The following PDE7A variants were observed in gnomAD, a reference collection of about 807,000 sequenced individuals.
PDE7A encodes phosphodiesterase 7A.
In PDE7A, 39 loss-of-function variants were observed where a neutral mutation model predicts 64.3. That is an observed-to-expected ratio of 0.61 (90% CI 0.47 to 0.79). PDE7A has a LOEUF of 0.79. Among genes scored for constraint, PDE7A ranks in the 30% least tolerant of loss-of-function variants. The pLI is 0.00. For missense variants in PDE7A, 470 were observed against 582.8 expected, an observed-to-expected ratio of 0.81 and a Z score of 1.99; for synonymous variants, 203 against 206.8, an observed-to-expected ratio of 0.98 and a Z score of 0.16.
chr8:65,779,178 G>C (rs1489616226), intron 3 of PDE7A, among the ~76,000 whole-genome samples: 1 of 152,172 alleles, frequency 6.6e-6, no homozygotes, highest in African/African-American at 2.4e-5. Context: ...ACTGAAAGTG[G>C]AACTCCTCCA....
intron 3 of PDE7A, among the ~76,000 whole-genome samples, chr8:65,771,604 G>A (rs986414290): frequency 9.2e-5 from 14 of 151,988 alleles, no homozygotes; most frequent in Admixed American, 3.9e-4. Context: ...TGGCTCACGC[G>A]GTGGCTCACG....
At chr8:65,721,253 A>G (rs1806365639) in intron 12 of PDE7A, among the ~76,000 whole-genome samples, 1 of 152,122 alleles carries the variant, frequency 6.6e-6, no homozygotes, top group Non-Finnish European at 1.5e-5. Flanking sequence ...CAAATGCCTT[A>G]CTCTTATCCA....
At position 65,795,065 on chromosome 8, in the gene PDE7A, C is replaced by T. The variant is rs1585923970; in HGVS notation, c.139-12222G>A. Among the ~76,000 whole-genome samples the T allele has an allele frequency of 2.0e-5, 3 of 152,310 alleles. No individual in the cohort carries two copies. The South Asian group carries it at 6.2e-4, about 32-fold the overall frequency. On this transcript the variant is annotated intron_variant, in intron 1 of 12. Coordinates refer to ENST00000401827, the MANE Select transcript of PDE7A (RefSeq NM_001242318.3). ...GAGCTAAATCTTCGCCAGCAAAAAA[C>T]ATAAACAAGATTCAATAAATTATAA...
chr8:65,777,077 CTTT>C (rs56661178), intron 3 of PDE7A, among the ~76,000 whole-genome samples: 5 of 90,446 alleles, frequency 5.5e-5, no homozygotes, highest in African/African-American at 1.1e-4. Flanking sequence ...TTATCAAATG[CTTT>C]TTTTTTTTTT....
intron 7 of PDE7A, among the ~76,000 whole-genome samples, chr8:65,729,724 G>T (rs1044346804): frequency 8.1e-5 from 12 of 148,220 alleles, no homozygotes; most frequent in Admixed American, 6.7e-4. Flanking sequence ...CACCATGCCT[G>T]ACTTTTTTTT....
chr8:65,816,457 C>A (rs1051796310), intron 1 of PDE7A, among the ~76,000 whole-genome samples: 5 of 152,130 alleles, frequency 3.3e-5, no homozygotes, highest in South Asian at 2.1e-4. Flanking sequence ...TTCATTTCTT[C>A]CTGTGGATTT....
At position 65,841,963 on chromosome 8, in the gene PDE7A, GGCCGCCGCCGCCGCCGCC is replaced by G. The variant is rs376061587; in HGVS notation, c.-473_-456del. 3.8e-3 allele frequency: 917 copies of G among 244,342 alleles called. 13 individuals are homozygous for G. The highest frequency in any genetic ancestry group is 0.028 in the East Asian group (173 of 6,120). 15.1% of individuals were successfully genotyped at this position (244,342 alleles called of 1,614,324 possible). A position where few individuals can be genotyped will look rare whatever the true frequency, so the allele number is the denominator to read the frequency against. Reference sequence around the variant, plus strand: ...GGACTCAGGAGCAGCGACCAGCTCGGGCCGCCGCCGCCGCCGCCGCCGCCGCCGCCGGAGTCCTGCTCC... The same window carrying G: ...GGACTCAGGAGCAGCGACCAGCTCGGGCCGCCGCCGCCGGAGTCCTGCTCC... On this transcript the variant is annotated 5_prime_UTR_variant, in exon 1 of 13. Coordinates refer to ENST00000401827, the MANE Select transcript of PDE7A (RefSeq NM_001242318.3).
At chr8:65,757,297 A>C (rs1808279039) in intron 3 of PDE7A, among the ~76,000 whole-genome samples, 1 of 152,254 alleles carries the variant, frequency 6.6e-6, no homozygotes. Flanking sequence ...AAAAGACTGT[A>C]ACAAGGGCTA....
rs60209012 is a variant in PDE7A at position 65,793,200 on chromosome 8, C to T, written c.139-10357G>A. Among the ~76,000 whole-genome samples the T allele has an allele frequency of 1.2e-3, 183 of 152,232 alleles. 3 individuals are homozygous for T. In the East Asian group the frequency reaches 0.031, roughly 26 times the overall value. On this transcript the variant is annotated intron_variant, in intron 1 of 12. Transcript: ENST00000401827. ...ATTTGGGCGGAAATACTTTCCCACC[C>T]AATTCTTCAAACTAGTGGAAGAATT...
rs186761563 is a variant in PDE7A, at chr8:65,723,065, C to A, written c.1243+476G>T. On this transcript the variant is annotated intron_variant, in intron 12 of 12. Transcript: ENST00000401827. ...AGCATTTGAAGCAAGATTATAAGGG[C>A]CTGTCTAGGATGTTGAAGAGTTAGA... 360 of 152,572 alleles carry A rather than the reference C, an allele frequency of 2.4e-3. 3 individuals are homozygous for A. Among genetic ancestry groups the A allele is most frequent in the Non-Finnish European group, 3.2e-3 (218 of 68,312 alleles). The allele number at this position is 152,572 out of a possible 1,614,324, so 9.5% of individuals were successfully genotyped here.
rs1260942578 is a variant in PDE7A at position 65,841,880 on chromosome 8, G to C, written c.-372C>G. 1.2e-5 allele frequency: 2 copies of C among 166,858 alleles called. No individual in the cohort carries two copies. Among genetic ancestry groups the C allele is most frequent in the Admixed American group, 6.5e-5 (1 of 15,368 alleles). The allele number at this position is 166,858 out of a possible 1,614,324, so 10.3% of individuals were successfully genotyped here. On this transcript the variant is annotated 5_prime_UTR_variant, in exon 1 of 13. Transcript: ENST00000401827. Reference sequence around the variant, plus strand: ...TGCAGAGTTCGAGCGCAGCACGAACGGAGCAAAGCAGTGCAAGAAAAGACA... The same window carrying C: ...TGCAGAGTTCGAGCGCAGCACGAACCGAGCAAAGCAGTGCAAGAAAAGACA...
Position 65,790,922 on chromosome 8 carries a change from G to C in PDE7A, c.139-8079C>G, listed in dbSNP as rs187476761. On this transcript the variant is annotated intron_variant, in intron 1 of 12. Transcript: ENST00000401827. ...TCCAGGGAAACACTGGCGGTCATCT[G>C]TAAGAGGCTGTGCAGCCTGGGCCCC... 1.4e-3 allele frequency among the ~76,000 whole-genome samples: 217 copies of C among 152,300 alleles called. 2 individuals are homozygous for C. Among genetic ancestry groups the C allele is most frequent in the Non-Finnish European group, 2.5e-3 (173 of 68,028 alleles).
chr8:65,840,909 A>T (rs1424769480), intron 1 of PDE7A, among the ~76,000 whole-genome samples: 1 of 152,246 alleles, frequency 6.6e-6, no homozygotes. Flanking sequence ...GAACCGCAGG[A>T]CCAGGCGAGC....
At chr8:65,745,047 A>C (rs562601421) in intron 5 of PDE7A, among the ~76,000 whole-genome samples, 8 of 152,270 alleles carry the variant, frequency 5.3e-5, no homozygotes, top group African/African-American at 1.9e-4. Flanking sequence ...TTTCCCCCAC[A>C]CTGTTCTTGT....
At chr8:65,747,408 T>C (rs1266908007) in intron 4 of PDE7A, among the ~76,000 whole-genome samples, 1 of 152,224 alleles carries the variant, frequency 6.6e-6, no homozygotes, top group Non-Finnish European at 1.5e-5. Flanking sequence ...ATCTCCTTGT[T>C]ACGTAATGTT....
intron 1 of PDE7A, among the ~76,000 whole-genome samples, chr8:65,823,407 T>C (rs914926844): frequency 1.3e-5 from 2 of 152,198 alleles, no homozygotes; most frequent in Non-Finnish European, 2.9e-5. Context: ...AAAATCCCTT[T>C]AAATGTTTGC....
rs918285936 is a variant in PDE7A, at chr8:65,718,946, T to C, written c.*344A>G. ...AGACTGGTTAAATTCCAAGAGATTG[T>C]TGCTGAACAATTCAAGTTTCACGTT... On this transcript the variant is annotated 3_prime_UTR_variant, in exon 13 of 13. Coordinates refer to ENST00000401827, the MANE Select transcript of PDE7A (RefSeq NM_001242318.3). The C allele has an allele frequency of 1.6e-5, 5 of 314,340 alleles. No homozygotes were observed. Among genetic ancestry groups the C allele is most frequent in the East Asian group, 1.4e-4 (2 of 14,392 alleles). 19.5% of individuals were successfully genotyped at this position (314,340 alleles called of 1,614,324 possible).
At chr8:65,773,600 C>G (rs936289616) in intron 3 of PDE7A, among the ~76,000 whole-genome samples, 5 of 152,130 alleles carry the variant, frequency 3.3e-5, no homozygotes, top group South Asian at 2.1e-4. Flanking sequence ...CATTTATTAT[C>G]CAATTTGACC....
intron 5 of PDE7A, among the ~76,000 whole-genome samples, chr8:65,740,549 C>T (rs774269738): frequency 1.3e-5 from 2 of 152,034 alleles, no homozygotes; most frequent in Non-Finnish European, 2.9e-5. Context: ...TACAGGCACC[C>T]GCCACCAAGC....
Sources: gnomAD v4.1 joint callset for allele counts (sites outside exome capture counted in the v4.1 genomes callset) on GRCh38, gnomAD v4.1.1 for gene constraint, MANE v1.5 for transcripts, NCBI Gene and HGNC (gene_info 2026-07-23, HGNC 2026-07-21) for gene names.